CD300A: variants seen among roughly 807,000 people sequenced by gnomAD.
The protein encoded by CD300A is CD300a molecule, also known as CMRF35-like molecule 8.
CD300A carries 22 observed loss-of-function variants against 33.6 expected under a neutral mutation model. That is an observed-to-expected ratio of 0.66 (90% CI 0.47 to 0.94). The LOEUF (loss-of-function observed/expected upper bound fraction) is 0.94. CD300A is among the 40% of genes least tolerant of loss of function. The probability of loss-of-function intolerance (pLI) is 0.00; values close to 1 mark genes in which losing one functional copy is unlikely to be tolerated. For missense variants in CD300A, 326 were observed against 360.5 expected (o/e 0.90, Z 0.77); for synonymous variants, 136 against 148.1 (o/e 0.92, Z 0.59).
chr17:74,467,298 C>T (rs1905786273), intron 1 of CD300A, among the ~76,000 whole-genome samples: 1 of 152,082 alleles, frequency 6.6e-6, no homozygotes, highest in Non-Finnish European at 1.5e-5. Context: ...TTAACCAGGG[C>T]AGCCCAGCGG....
intron 6 of CD300A, among the ~76,000 whole-genome samples, chr17:74,483,658 C>A (rs777380275): frequency 2.6e-5 from 4 of 152,114 alleles, no homozygotes; most frequent in Admixed American, 6.5e-5. Flanking sequence ...TGCCTGGCCT[C>A]AAGAATATTT....
At chr17:74,469,568 T>C (rs1267223566) in intron 1 of CD300A, among the ~76,000 whole-genome samples, 2 of 152,212 alleles carry the variant, frequency 1.3e-5, no homozygotes, top group Admixed American at 1.3e-4. Flanking sequence ...CTCACGCCTG[T>C]AATCCCAGCA....
intron 1 of CD300A, chr17:74,467,065 T>G: frequency 8.6e-7 from 1 of 1,161,584 alleles, no homozygotes; most frequent in Non-Finnish European, 1.1e-6. Context: ...AGGCAGGATG[T>G]GTCAGGGTGG....
At chr17:74,475,207 A>T (rs1906381318) in intron 3 of CD300A, among the ~76,000 whole-genome samples, 1 of 152,204 alleles carries the variant, frequency 6.6e-6, no homozygotes, top group Admixed American at 6.5e-5. Flanking sequence ...GTTTCCTCTT[A>T]TAAAGCCATC....
At chr17:74,468,179 C>G (rs940097602) in intron 1 of CD300A, among the ~76,000 whole-genome samples, 2 of 151,928 alleles carry the variant, frequency 1.3e-5, no homozygotes, top group East Asian at 3.9e-4. Context: ...AGATTACAGG[C>G]ATGTACCACC....
rs368407603 is a variant in CD300A at position 74,466,678 on chromosome 17, G to C, written c.-26G>C. 1.5e-4 allele frequency: 237 copies of C among 1,587,330 alleles called. No individual in the cohort carries two copies. Among genetic ancestry groups the C allele is most frequent in the Admixed American group, 3.0e-4 (17 of 55,868 alleles). On this transcript the variant is annotated 5_prime_UTR_variant, in exon 1 of 7. Transcript: ENST00000360141. ...CAGGTAGGGCCTGGAGCTGCTGCAAGTGCCGCCTGTGCTGGGGAAGGGACC... is the reference window on the plus strand; with the variant it reads ...CAGGTAGGGCCTGGAGCTGCTGCAACTGCCGCCTGTGCTGGGGAAGGGACC...
intron 3 of CD300A, 117 bp downstream of exon 3, chr17:74,474,802 GC>G: frequency 9.2e-7 from 1 of 1,090,812 alleles, no homozygotes; most frequent in Non-Finnish European, 1.3e-6. Flanking sequence ...TTTGCCCCAG[GC>G]CCAGGTTGGA....
chr17:74,466,484 C>T, upstream of CD300A: 1 of 601,692 alleles, frequency 1.7e-6, no homozygotes, highest in South Asian at 2.0e-5. Context: ...CCTCAACCAG[C>T]GTTAAGGAGG....
chr17:74,479,284 T>C (rs1906682483), intron 4 of CD300A, among the ~76,000 whole-genome samples: 1 of 152,078 alleles, frequency 6.6e-6, no homozygotes, highest in Non-Finnish European at 1.5e-5. Context: ...TCACCCAGGC[T>C]GGCGTGCAGT....
chr17:74,474,672 G>A lies in CD300A; in HGVS notation c.520G>A (p.Val174Met), dbSNP rs774342665. The A allele has an allele frequency of 1.2e-6, 2 of 1,614,174 alleles. No homozygotes were observed. The highest frequency in any genetic ancestry group is 2.2e-5 in the South Asian group (2 of 91,082). Reference sequence around the variant, plus strand: ...CAGCATCCAGGAGGAAACTGAGGAGGTGGTGAACTCACAGTAAGCACCCTA... The same window carrying A: ...CAGCATCCAGGAGGAAACTGAGGAGATGGTGAACTCACAGTAAGCACCCTA... ...SASIQEETEE[V>M]VNSQLPLLLS... is the part of the protein sequence containing the mutation. The change falls in exon 3 of 7, where the codon GTG becomes ATG. Residue 174 changes from valine to methionine, a missense_variant. Coordinates refer to ENST00000360141, the MANE Select transcript of CD300A (RefSeq NM_007261.4).
At chr17:74,475,902 G>A (rs1906430892) in intron 3 of CD300A, among the ~76,000 whole-genome samples, 1 of 152,128 alleles carries the variant, frequency 6.6e-6, no homozygotes, top group Non-Finnish European at 1.5e-5. Context: ...TTTATCATAA[G>A]GATAAAGGAT....
At chr17:74,481,245 C>T (rs1050087587) in intron 4 of CD300A, 44 bp from the exon 5 acceptor site, 3 of 1,599,602 alleles carry the variant, frequency 1.9e-6, no homozygotes, top group Non-Finnish European at 2.6e-6. Context: ...CCATCCTGGC[C>T]ATTGTTCCGG....
At chr17:74,471,009 C>T (rs1331596632) in intron 1 of CD300A, among the ~76,000 whole-genome samples, 2 of 151,320 alleles carry the variant, frequency 1.3e-5, no homozygotes, top group Non-Finnish European at 1.5e-5. Context: ...TGCAGTGATG[C>T]GATCATAGCT....
rs563237639 is a variant in CD300A at position 74,482,613 on chromosome 17, G to T, written c.774+780G>T. On this transcript the variant is annotated intron_variant, in intron 6 of 6. Coordinates refer to ENST00000360141, the MANE Select transcript of CD300A (RefSeq NM_007261.4). ...TAGCCGCACCGTTCCCCAACCTCCC[G>T]CCAGCTGTCTGCATGAGGATGAGGG... is the stretch of plus-strand genomic sequence containing the variant. 6.6e-5 allele frequency among the ~76,000 whole-genome samples: 10 copies of T among 151,208 alleles called. No homozygotes were observed. In the South Asian group the frequency reaches 1.5e-3, roughly 22 times the overall value.
At chr17:74,472,612 C>CTT (rs543193668) in intron 1 of CD300A, among the ~76,000 whole-genome samples, 63 of 142,438 alleles carry the variant, frequency 4.4e-4, no homozygotes, top group Admixed American at 1.9e-3. Context: ...GTTTGTGACT[C>CTT]TTTTTTTTTT....
intron 3 of CD300A, among the ~76,000 whole-genome samples, chr17:74,477,156 C>T (rs1200470396): frequency 6.6e-6 from 1 of 151,992 alleles, no homozygotes; most frequent in Non-Finnish European, 1.5e-5. Flanking sequence ...GGCTTGAGCT[C>T]AGGAGTCTGA....
rs575197946 is a variant in CD300A, at chr17:74,473,212, G to A, written c.41-324G>A. ...GCAGAAAAGAGAATACTCAAGCTGT[G>A]ATCTGGCTGATGGGGCTGATATGAG... On this transcript the variant is annotated intron_variant, in intron 1 of 6. Coordinates refer to ENST00000360141, the MANE Select transcript of CD300A (RefSeq NM_007261.4). Among the ~76,000 whole-genome samples, 3 of 152,262 alleles carry A rather than the reference G, an allele frequency of 2.0e-5. No homozygotes were observed. In the South Asian group the frequency reaches 6.2e-4, roughly 32 times the overall value.
intron 1 of CD300A, chr17:74,467,078 G>GCCACTCTCCACCCACCCT: frequency 9.4e-7 from 1 of 1,062,466 alleles, no homozygotes; most frequent in Non-Finnish European, 1.2e-6. Flanking sequence ...CAGGGTGGGT[G>GCCACTCTCCACCCACCCT]GAGAGTGGCA....
intron 4 of CD300A, among the ~76,000 whole-genome samples, chr17:74,479,671 A>G (rs576061129): frequency 5.3e-5 from 8 of 152,280 alleles, no homozygotes; most frequent in Non-Finnish European, 8.8e-5. Flanking sequence ...TGGTGTCTTA[A>G]GCTTCCTGTA....
Sources: gnomAD v4.1 joint callset for allele counts (sites outside exome capture counted in the v4.1 genomes callset) on GRCh38, gnomAD v4.1.1 for gene constraint, MANE v1.5 for transcripts, NCBI Gene and HGNC (gene_info 2026-07-23, HGNC 2026-07-21) for gene names.